CCDC85A: variants seen among roughly 807,000 people sequenced by gnomAD.
CCDC85A encodes coiled-coil domain-containing protein 85A.
CCDC85A carries 38 observed loss-of-function variants against 50.2 expected under a neutral mutation model. The observed-to-expected ratio is 0.76, with a 90% CI of 0.58 to 0.99. CCDC85A has a LOEUF of 0.99. Among genes scored for constraint, CCDC85A ranks in the 50% least tolerant of loss-of-function variants. The pLI is 0.00. For synonymous variants in CCDC85A, 366 were observed against 301.4 expected, an observed-to-expected ratio of 1.21 and a Z score of -2.22; for missense variants, 820 against 742.0, an observed-to-expected ratio of 1.11 and a Z score of -1.22.
chr2:56,263,409 T>C (rs1670301477), intron 2 of CCDC85A, among the ~76,000 whole-genome samples: 1 of 152,226 alleles, frequency 6.6e-6, no homozygotes, highest in Non-Finnish European at 1.5e-5. Flanking sequence ...GGGAAGACAT[T>C]CTGTGTAATT....
chr2:56,279,862 T>C (rs189078081), intron 2 of CCDC85A, among the ~76,000 whole-genome samples: 117 of 152,346 alleles, frequency 7.7e-4, no homozygotes, highest in African/African-American at 2.5e-3. Flanking sequence ...GTTAATTTCA[T>C]ATCTTGGATA....
chr2:56,286,017 G>A (rs1481135845), intron 2 of CCDC85A, among the ~76,000 whole-genome samples: 4 of 125,020 alleles, frequency 3.2e-5, no homozygotes, highest in Admixed American at 1.8e-4. Flanking sequence ...CCCCCACCCC[G>A]ACCCCCAACA....
intron 2 of CCDC85A, among the ~76,000 whole-genome samples, chr2:56,307,763 T>G (rs1672510099): frequency 1.3e-5 from 2 of 152,310 alleles, no homozygotes; most frequent in Admixed American, 1.3e-4. Context: ...CTCCATGGCT[T>G]TAAAATTCGT....
intron 2 of CCDC85A, among the ~76,000 whole-genome samples, chr2:56,281,796 C>A (rs1190179721): frequency 6.6e-6 from 1 of 151,900 alleles, no homozygotes; most frequent in African/African-American, 2.4e-5. Context: ...ATTCTGTAAT[C>A]AAGTATTTTT....
intron 2 of CCDC85A, among the ~76,000 whole-genome samples, chr2:56,282,677 T>G (rs1003222479): frequency 3.9e-5 from 6 of 152,152 alleles, no homozygotes; most frequent in African/African-American, 7.2e-5. Context: ...GCTTAGCTAA[T>G]TTTTGTATTT....
At chr2:56,347,097 A>G (rs1674666698) in intron 3 of CCDC85A, among the ~76,000 whole-genome samples, 1 of 152,230 alleles carries the variant, frequency 6.6e-6, no homozygotes, top group Non-Finnish European at 1.5e-5. Context: ...GTATCAAAAT[A>G]AAAAGGAACA....
chr2:56,331,489 A>G (rs1673787451), intron 2 of CCDC85A, among the ~76,000 whole-genome samples: 1 of 152,214 alleles, frequency 6.6e-6, no homozygotes, highest in Non-Finnish European at 1.5e-5. Flanking sequence ...GCACTCTGCA[A>G]TATATCCATG....
intron 2 of CCDC85A, among the ~76,000 whole-genome samples, chr2:56,340,658 T>C (rs904531928): frequency 6.6e-6 from 1 of 151,878 alleles, no homozygotes; most frequent in African/African-American, 2.4e-5. Flanking sequence ...GGAGGATCTT[T>C]TGAGGTCGGG....
In CCDC85A at chr2:56,277,512, T is replaced by TA. The variant is rs1029643488; in HGVS notation, c.1241-65361dup. 2.6e-5 allele frequency among the ~76,000 whole-genome samples: 4 copies of TA among 152,334 alleles called. No homozygotes were observed. The East Asian group carries it at 5.8e-4, about 22-fold the overall frequency. ...TTTGACACTGGAGACATGGAAGCAT[T>TA]AAAAAACCACATGACTTGTTTAAAG... On this transcript the variant is annotated intron_variant, in intron 2 of 5. Transcript: ENST00000407595.
rs542158209 is a variant in CCDC85A, at chr2:56,207,655, T to C, written c.1240+14215T>C. The stretch of plus-strand genomic sequence containing the variant: ...TGTTTTTCAGAGACAGATACGTAAA[T>C]TGGTGTATCTTTGAAAACTTTCACC... On this transcript the variant is annotated intron_variant, in intron 2 of 5. Coordinates refer to ENST00000407595, the MANE Select transcript of CCDC85A (RefSeq NM_001080433.2). Among the ~76,000 whole-genome samples, 3 of 152,272 alleles carry C rather than the reference T, an allele frequency of 2.0e-5. No homozygotes were observed. In the East Asian group the frequency reaches 5.8e-4, roughly 29 times the overall value.
chr2:56,329,540 T>C (rs551825005), intron 2 of CCDC85A, among the ~76,000 whole-genome samples: 1 of 152,340 alleles, frequency 6.6e-6, no homozygotes, highest in South Asian at 2.1e-4. Context: ...TTATCTAAAC[T>C]AACTGGATTT....
chr2:56,366,092 T>G (rs1482982664), intron 3 of CCDC85A, among the ~76,000 whole-genome samples: 1 of 152,222 alleles, frequency 6.6e-6, no homozygotes, highest in Non-Finnish European at 1.5e-5. Context: ...CAGGATTTCC[T>G]TCGTTTTTAA....
In CCDC85A at chr2:56,384,419, AGG is replaced by A; in HGVS notation, c.*65_*66del. 3.5e-6 allele frequency: 5 copies of A among 1,441,674 alleles called. No individual in the cohort carries two copies. The highest frequency in any genetic ancestry group is 4.9e-6 in the Non-Finnish European group (5 of 1,026,948). The allele number at this position is 1,441,674 out of a possible 1,614,324, so 89.3% of individuals were successfully genotyped here. ...AAAGTGATAGAAGACAAGAAGAAAA[AGG>A]AAAGAGTGGGTTTCCACAAACCTGG... On this transcript the variant is annotated 3_prime_UTR_variant, in exon 6 of 6. Transcript: ENST00000407595.
At chr2:56,187,093 C>T (rs928390844) in intron 1 of CCDC85A, among the ~76,000 whole-genome samples, 16 of 152,270 alleles carry the variant, frequency 1.1e-4, no homozygotes, top group African/African-American at 3.4e-4. Context: ...TATTTTGGCT[C>T]AGAGCTTCCT....
intron 2 of CCDC85A, among the ~76,000 whole-genome samples, chr2:56,328,376 G>T (rs1007207473): frequency 6.6e-6 from 1 of 152,112 alleles, no homozygotes; most frequent in African/African-American, 2.4e-5. Context: ...CAAGGCTGGG[G>T]ACAAGGGGAT....
At position 56,343,446 on chromosome 2, in the gene CCDC85A, C is replaced by A. The variant is rs1443926267; in HGVS notation, c.1317+491C>A. Among the ~76,000 whole-genome samples, 3 of 152,152 alleles carry A rather than the reference C, an allele frequency of 2.0e-5. No individual in the cohort carries two copies. The East Asian group carries it at 5.8e-4, about 29-fold the overall frequency. On this transcript the variant is annotated intron_variant, in intron 3 of 5. Coordinates refer to ENST00000407595, the MANE Select transcript of CCDC85A (RefSeq NM_001080433.2). ...TTTCAGTGCAACAAAGTGATGACAG[C>A]AATTGACAGTTTTTGCTTTGGGACT... is the stretch of plus-strand genomic sequence containing the variant.
chr2:56,303,974 T>C (rs1418025292), intron 2 of CCDC85A, among the ~76,000 whole-genome samples: 2 of 152,130 alleles, frequency 1.3e-5, no homozygotes, highest in East Asian at 3.9e-4. Flanking sequence ...GAAGGATCTG[T>C]GAAAGAGATA....
intron 2 of CCDC85A, among the ~76,000 whole-genome samples, chr2:56,312,291 C>T (rs867932273): frequency 1.7e-4 from 26 of 152,122 alleles, no homozygotes; most frequent in Admixed American, 5.9e-4. Context: ...GAAAATGTGA[C>T]CTAAATTAGA....
chr2:56,256,554 G>A (rs1669992050), intron 2 of CCDC85A, among the ~76,000 whole-genome samples: 1 of 152,194 alleles, frequency 6.6e-6, no homozygotes, highest in Admixed American at 6.5e-5. Flanking sequence ...GTACCGATTG[G>A]AATTAATTCG....
Sources: gnomAD v4.1 joint callset for allele counts (sites outside exome capture counted in the v4.1 genomes callset) on GRCh38, gnomAD v4.1.1 for gene constraint, MANE v1.5 for transcripts, NCBI Gene and HGNC (gene_info 2026-07-23, HGNC 2026-07-21) for gene names.